Variants in CFDP1 observed in about 807,000 individuals in gnomAD.
CFDP1 encodes the protein chromatin remodeling protein CFDP1.
Under a neutral mutation model 40.1 loss-of-function variants are expected in CFDP1, and 31 were observed. The ratio of observed to expected loss-of-function variants is 0.77; its 90% CI spans 0.58 to 1.04. The LOEUF (loss-of-function observed/expected upper bound fraction) is 1.04, where lower values mean the gene tolerates loss of function less well. Among genes scored for constraint, CFDP1 ranks in the 50% least tolerant of loss-of-function variants. CFDP1 has a pLI of 0.00. For missense variants in CFDP1, 423 were observed against 343.4 expected, an observed-to-expected ratio of 1.23 and a Z score of -1.83; for synonymous variants, 167 against 120.0, an observed-to-expected ratio of 1.39 and a Z score of -2.56.
intron 5 of CFDP1, among the ~76,000 whole-genome samples, chr16:75,384,135 G>C (rs1280879736): frequency 6.6e-6 from 1 of 152,116 alleles, no homozygotes; most frequent in Admixed American, 6.5e-5. Context: ...GGCTGAGGTG[G>C]GCAGATCACC....
chr16:75,319,582 G>A (rs116765619), intron 5 of CFDP1, among the ~76,000 whole-genome samples: 2,422 of 152,214 alleles, frequency 0.016, 59 homozygotes, highest in African/African-American at 0.054. Flanking sequence ...AACATCGTTT[G>A]CTCACTCAGT....
chr16:75,326,584 TGAACAG>T (rs1272292758), intron 5 of CFDP1, among the ~76,000 whole-genome samples: 2 of 152,288 alleles, frequency 1.3e-5, no homozygotes, highest in East Asian at 3.9e-4. Flanking sequence ...GGGAGCACAG[TGAACAG>T]GTAAGGTGGC....
chr16:75,404,920 T>C (rs952040698), intron 4 of CFDP1, among the ~76,000 whole-genome samples: 1 of 152,150 alleles, frequency 6.6e-6, no homozygotes, highest in Non-Finnish European at 1.5e-5. Flanking sequence ...GAACAAGAAA[T>C]ACAGCTATAA....
chr16:75,420,877 G>C (rs1402862827), intron 1 of CFDP1, among the ~76,000 whole-genome samples: 1 of 152,110 alleles, frequency 6.6e-6, no homozygotes, highest in Non-Finnish European at 1.5e-5. Context: ...TAATTTAACT[G>C]TCTGCATTTT....
At chr16:75,398,152 C>T (rs11865867) in intron 4 of CFDP1, among the ~76,000 whole-genome samples, 2,362 of 152,314 alleles carry the variant, frequency 0.016, 59 homozygotes, top group African/African-American at 0.053. Flanking sequence ...AAATGCTTAT[C>T]ATTGTACATC....
At chr16:75,359,451 G>C (rs919129826) in intron 5 of CFDP1, among the ~76,000 whole-genome samples, 1 of 152,188 alleles carries the variant, frequency 6.6e-6, no homozygotes, top group Non-Finnish European at 1.5e-5. Context: ...ACGCTGTGAA[G>C]GGTATTAAGT....
chr16:75,331,248 T>C (rs57006149), intron 5 of CFDP1, among the ~76,000 whole-genome samples: 1,887 of 152,286 alleles, frequency 0.012, 33 homozygotes, highest in African/African-American at 0.043. Flanking sequence ...GCATCAAAAC[T>C]TACATACAGT....
chr16:75,418,644 C>A (rs953178807), intron 1 of CFDP1, among the ~76,000 whole-genome samples: 1 of 151,100 alleles, frequency 6.6e-6, no homozygotes, highest in African/African-American at 2.4e-5. Flanking sequence ...TTGTCCACTA[C>A]ACAAACGGCA....
intron 5 of CFDP1, among the ~76,000 whole-genome samples, chr16:75,337,470 C>CTCTGTCACTGACTGTCACTGACTG (rs2078497579): frequency 6.6e-6 from 1 of 152,220 alleles, no homozygotes; most frequent in African/African-American, 2.4e-5. Context: ...TCTCCAGTCA[C>CTCTGTCACTGACTGTCACTGACTG]TCAATCCCCT....
intron 5 of CFDP1, among the ~76,000 whole-genome samples, chr16:75,348,697 T>C (rs766721495): frequency 1.3e-5 from 2 of 152,234 alleles, no homozygotes; most frequent in African/African-American, 4.8e-5. Flanking sequence ...AAGTGAATCA[T>C]GTCTGTGTTG....
intron 5 of CFDP1, among the ~76,000 whole-genome samples, chr16:75,358,639 T>C (rs2078661697): frequency 6.6e-6 from 1 of 152,134 alleles, no homozygotes; most frequent in Non-Finnish European, 1.5e-5. Flanking sequence ...ATGAACACCA[T>C]TTTTACCTGA....
chr16:75,366,712 C>T (rs1040961030), intron 5 of CFDP1, among the ~76,000 whole-genome samples: 4 of 152,166 alleles, frequency 2.6e-5, no homozygotes, highest in Admixed American at 2.0e-4. Flanking sequence ...GGCAAATCTA[C>T]GGAGACAGAA....
In CFDP1 at chr16:75,411,868, C is replaced by G. The variant is rs1452926172; in HGVS notation, c.487G>C (p.Val163Leu). 6.2e-7 allele frequency: 1 copy of G among 1,612,356 alleles called. No homozygotes were observed. Among genetic ancestry groups the G allele is most frequent in the Non-Finnish European group, 8.5e-7 (1 of 1,179,708 alleles). Residue 163 changes from valine (V) to leucine (L), a missense_variant, in exon 4 of 7, where the codon GTT (valine) becomes CTT (leucine). Val to Leu is a conservative substitution (Grantham distance 32). Transcript: ENST00000283882. Reference protein sequence around the residue: ...ELEKPKETEKVKITKVFDFAG... With the variant: ...ELEKPKETEKLKITKVFDFAG... The stretch of plus-strand genomic sequence containing the variant: ...AAATCAAACACCTTGGTGATTTTAA[C>G]TTTTTCTGTTTCTTTAGGTTTCTCT...
At chr16:75,323,364 T>G (rs1157406201) in intron 5 of CFDP1, among the ~76,000 whole-genome samples, 1 of 151,962 alleles carries the variant, frequency 6.6e-6, no homozygotes, top group Non-Finnish European at 1.5e-5. Flanking sequence ...GGAGCTGCCA[T>G]CTCCTATGAC....
chr16:75,336,290 T>C (rs1346721662), intron 5 of CFDP1, among the ~76,000 whole-genome samples: 1 of 152,164 alleles, frequency 6.6e-6, no homozygotes. Flanking sequence ...GTGAAGATGC[T>C]AGATCCTGGC....
intron 5 of CFDP1, among the ~76,000 whole-genome samples, chr16:75,316,754 G>A (rs1213958598): frequency 2.0e-5 from 3 of 152,102 alleles, no homozygotes; most frequent in African/African-American, 7.2e-5. Context: ...CGGATCACCT[G>A]AGGTCAGGAG....
intron 5 of CFDP1, among the ~76,000 whole-genome samples, chr16:75,349,546 T>C (rs890766485): frequency 6.2e-5 from 9 of 145,472 alleles, no homozygotes; most frequent in Admixed American, 4.9e-4. Flanking sequence ...CCTAGCACTT[T>C]GGGAGGCTAA....
chr16:75,305,314 G>C, intron 5 of CFDP1, 132 bp from the exon 6 acceptor site: 3 of 877,022 alleles, frequency 3.4e-6, no homozygotes, highest in Non-Finnish European at 5.2e-6. Flanking sequence ...CATATTTGGG[G>C]CATTTCCTTC....
chr16:75,417,970 T>C (rs565714081), intron 1 of CFDP1, among the ~76,000 whole-genome samples: 19 of 152,132 alleles, frequency 1.2e-4, no homozygotes, highest in Admixed American at 2.6e-4. Context: ...ATCAAAGAAA[T>C]TGGCTGGGAG....
Sources: gnomAD v4.1 joint callset for allele counts (sites outside exome capture counted in the v4.1 genomes callset) on GRCh38, gnomAD v4.1.1 for gene constraint, MANE v1.5 for transcripts, NCBI Gene and HGNC (gene_info 2026-07-23, HGNC 2026-07-21) for gene names.